Variants in GAK observed in about 807,000 individuals in gnomAD.
GAK encodes cyclin G associated kinase.
Under a neutral mutation model 143.9 loss-of-function variants are expected in GAK, and 79 were observed. The ratio of observed to expected loss-of-function variants is 0.55; its 90% CI spans 0.46 to 0.66. The LOEUF (loss-of-function observed/expected upper bound fraction) is 0.66, where lower values mean the gene tolerates loss of function less well. Ranked by LOEUF, GAK falls within the 30% of genes least tolerant of loss-of-function variation. The pLI, the probability that GAK is intolerant of heterozygous loss-of-function variation, is 0.00. For missense variants in GAK, 1,693 were observed against 1,779.7 expected (o/e 0.95, Z 0.88); for synonymous variants, 881 against 765.5 (o/e 1.15, Z -2.49).
rs1009589199 is a variant in GAK at position 904,845 on chromosome 4, G to T, written c.383-66C>A. 3.3e-6 allele frequency: 5 copies of T among 1,510,472 alleles called. No homozygotes were observed. The African/African-American group carries it at 6.9e-5, about 21-fold the overall frequency. The allele number at this position is 1,510,472 out of a possible 1,614,324, so 93.6% of individuals were successfully genotyped here. On this transcript the variant is annotated intron_variant, in intron 4 of 27. Transcript: ENST00000314167. ...GTCCGGAGACAGGGAACCTAGGGCT[G>T]TTTCACGCGGACTTCCCAGAACTAA...
rs757967825 is a variant in GAK at position 911,767 on chromosome 4, C to T, written c.288G>A (p.Pro96=). ...CTGCAGAACAAAACTGGACAATGTT[C>T]GGGTGGCCGGAAAGCTTTTTCTGCA... ...VCFMKKLSGH[P]NIVQFCSAAS... is the part of the protein sequence containing the mutation. The change falls in exon 4 of 28, where the codon CCG becomes CCA. Residue 96 remains proline (P), a synonymous_variant. Transcript: ENST00000314167. The T allele has an allele frequency of 9.3e-6, 15 of 1,613,730 alleles. No homozygotes were observed. The highest frequency in any genetic ancestry group is 1.6e-4 in the Middle Eastern group (1 of 6,084).
chr4:875,269 A>G (rs758944646), intron 18 of GAK, among the ~76,000 whole-genome samples: 1 of 152,228 alleles, frequency 6.6e-6, no homozygotes, highest in Non-Finnish European at 1.5e-5. Flanking sequence ...AAGGAGGAAA[A>G]AAGAAACAAA....
rs1472392160 is a variant in GAK, at chr4:850,288, C to T, written c.3658-220G>A. Reference sequence around the variant, plus strand: ...GGTCTTCATGTTTCAGGGCCTGGGGCCAGAGGGACCCTCGTCTCAGCCAGA... The same window carrying T: ...GGTCTTCATGTTTCAGGGCCTGGGGTCAGAGGGACCCTCGTCTCAGCCAGA... On this transcript the variant is annotated intron_variant, in intron 26 of 27. Transcript: ENST00000314167. The T allele has an allele frequency of 1.5e-5, 7 of 453,820 alleles. No individual in the cohort carries two copies. The East Asian group carries it at 1.6e-4, about 10-fold the overall frequency. The allele number at this position is 453,820 out of a possible 1,614,324, so 28.1% of individuals were successfully genotyped here. A position where few individuals can be genotyped will look rare whatever the true frequency, so the allele number is the denominator to read the frequency against.
intron 5 of GAK, among the ~76,000 whole-genome samples, chr4:903,354 G>A (rs1485911158): frequency 2.0e-5 from 3 of 152,248 alleles, no homozygotes; most frequent in Admixed American, 2.0e-4. Context: ...AAGGGGAGGT[G>A]CAGTGGGGGG....
chr4:895,497 CAG>C (rs1185105090), intron 7 of GAK, among the ~76,000 whole-genome samples: 1 of 152,220 alleles, frequency 6.6e-6, no homozygotes, highest in Non-Finnish European at 1.5e-5. Context: ...TCAAGGGACA[CAG>C]GGCCTCAGCC....
chr4:923,624 G>A (rs947648921), intron 1 of GAK, among the ~76,000 whole-genome samples: 8 of 152,086 alleles, frequency 5.3e-5, no homozygotes, highest in Non-Finnish European at 1.2e-4. Flanking sequence ...GTGGTGAGCT[G>A]TGATCATGCC....
Position 849,886 on chromosome 4 carries a change from G to A in GAK, c.3834+6C>T, listed in dbSNP as rs55728587. The A allele has an allele frequency of 0.1, 157,459 of 1,575,236 alleles. 8,935 individuals carry two copies. The highest frequency in any genetic ancestry group is 0.17 in the South Asian group (15,260 of 89,208). On this transcript the variant is annotated splice_donor_region_variant and intron_variant, in intron 27 of 27. Coordinates refer to ENST00000314167, the MANE Select transcript of GAK (RefSeq NM_005255.4). ...CCTCAAGCGGCCGCCTGGCAGCTCT[G>A]CTCACCTTGTCGGGGTGCACAGCCA...
At chr4:889,844 C>T (rs920110517) in intron 10 of GAK, among the ~76,000 whole-genome samples, 8 of 152,344 alleles carry the variant, frequency 5.3e-5, no homozygotes, top group African/African-American at 1.7e-4. Context: ...CATGCAGCGT[C>T]TGTCTCCAGG....
At position 851,743 on chromosome 4, in the gene GAK, G is replaced by GA; in HGVS notation, c.3508+6dup. On this transcript the variant is annotated splice_region_variant and intron_variant, in intron 25 of 27. Transcript: ENST00000314167. Reference sequence around the variant, plus strand: ...AACTCCACAGCAACAGAGAGTGGGGGACTCACCAAAGCTGGGTGCGCGGAC... The same window carrying GA: ...AACTCCACAGCAACAGAGAGTGGGGGAACTCACCAAAGCTGGGTGCGCGGAC... 24 of 1,611,742 alleles carry GA rather than the reference G, an allele frequency of 1.5e-5. No individual in the cohort carries two copies. The highest frequency in any genetic ancestry group is 2.0e-5 in the Non-Finnish European group (24 of 1,178,816).
intron 12 of GAK, 82 bp from the exon 13 acceptor site, chr4:883,545 C>T (rs556521091): frequency 5.8e-5 from 88 of 1,516,994 alleles, no homozygotes; most frequent in Middle Eastern, 1.7e-4. Context: ...CTGCTCCTGA[C>T]GCCCCCGGGC....
Position 932,203 on chromosome 4 carries a change from G to A in GAK, c.-16C>T. 5 of 1,519,286 alleles carry A rather than the reference G, an allele frequency of 3.3e-6. No homozygotes were observed. The highest frequency in any genetic ancestry group is 4.4e-6 in the Non-Finnish European group (5 of 1,136,928). 94.1% of individuals were successfully genotyped at this position (1,519,286 alleles called of 1,614,324 possible). On this transcript the variant is annotated 5_prime_UTR_variant, in exon 1 of 28. Coordinates refer to ENST00000314167, the MANE Select transcript of GAK (RefSeq NM_005255.4). The surrounding 1 kb of genome is among the most constrained non-coding windows in gnomAD (Gnocchi z 4.0). ...GCAGCGACATGGCGGTGGCTGCGCC[G>A]CACCCCGCGGCAGCCGGAGTGGTCG...
intron 1 of GAK, among the ~76,000 whole-genome samples, chr4:927,008 GCGC>G (rs1469169246): frequency 8.9e-5 from 4 of 45,124 alleles, no homozygotes; most frequent in Non-Finnish European, 1.7e-4. Context: ...CGGCTCACCA[GCGC>G]TCCGCACTGC....
chr4:882,643 T>G, intron 14 of GAK, 54 bp downstream of exon 14: 1 of 1,595,018 alleles, frequency 6.3e-7, no homozygotes, highest in South Asian at 1.1e-5. Flanking sequence ...GAACTATGCA[T>G]GAAATAATGA....
At chr4:920,259 G>C (rs1241105757) in intron 1 of GAK, among the ~76,000 whole-genome samples, 7 of 149,646 alleles carry the variant, frequency 4.7e-5, no homozygotes, top group Non-Finnish European at 1.0e-4. Flanking sequence ...AGTGAGCCGA[G>C]ATCACGCCAC....
At chr4:893,725 A>ACC (rs33951409) in intron 8 of GAK, 149 bp downstream of exon 8, 23 of 860,164 alleles carry the variant, frequency 2.7e-5, no homozygotes, top group Admixed American at 3.6e-5. Context: ...CTCTCTGGAA[A>ACC]CCCCCCCCCC....
At chr4:911,808 G>T in intron 3 of GAK, 21 bp from the exon 4 acceptor site, 1 of 1,566,720 alleles carries the variant, frequency 6.4e-7, no homozygotes, top group Non-Finnish European at 8.8e-7. Flanking sequence ...CTTGTTAAAG[G>T]AGAACGTACA....
At chr4:904,907 A>C in intron 4 of GAK, 128 bp from the exon 5 acceptor site, 3 of 889,194 alleles carry the variant, frequency 3.4e-6, no homozygotes, top group Non-Finnish European at 5.1e-6. Flanking sequence ...CACCTAAGTA[A>C]CAAAACGACC....
intron 14 of GAK, 68 bp from the exon 15 acceptor site, chr4:882,108 G>T (rs78822342): frequency 8.7e-6 from 13 of 1,499,480 alleles, no homozygotes; most frequent in South Asian, 2.5e-5. Context: ...CGGGGTCCTC[G>T]GGCATCCTAC....
intron 11 of GAK, chr4:887,201 ACTCACGCGTACACATGCACGCGG>A: frequency 6.8e-6 from 1 of 146,534 alleles, no homozygotes; most frequent in South Asian, 2.2e-4. Context: ...CGGCTCGCGC[ACTCACGCGTACACATGCACGCGG>A]CTCACGCGCA....
Sources: allele counts gnomAD v4.1 joint callset (sites outside exome capture counted in the v4.1 genomes callset), GRCh38; gene constraint gnomAD v4.1.1; non-coding constraint Gnocchi (gnomAD v3.1); transcripts MANE v1.5; gene names NCBI Gene and HGNC (gene_info 2026-07-23, HGNC 2026-07-21).